The following USP12 variants were observed in gnomAD, a reference collection of about 807,000 sequenced individuals.
USP12 encodes the protein ubiquitin specific peptidase 12, also known as ubiquitin carboxyl-terminal hydrolase 12.
Under a neutral mutation model 45.5 loss-of-function variants are expected in USP12, and 19 were observed. The observed-to-expected ratio is 0.42, with a 90% CI of 0.29 to 0.61. The LOEUF (loss-of-function observed/expected upper bound fraction) is 0.61, where lower values mean the gene tolerates loss of function less well. Ranked by LOEUF, USP12 falls within the 20% of genes least tolerant of loss-of-function variation. The probability of loss-of-function intolerance (pLI) is 0.22; values close to 1 mark genes in which losing one functional copy is unlikely to be tolerated. For missense variants in USP12, 242 were observed against 447.7 expected (o/e 0.54, Z 4.15); for synonymous variants, 149 against 148.8 (o/e 1.00, Z -0.01).
intron 2 of USP12, among the ~76,000 whole-genome samples, chr13:27,111,508 C>T (rs1423287363): frequency 6.6e-6 from 1 of 152,160 alleles, no homozygotes; most frequent in East Asian, 1.9e-4. Context: ...TGCCACCCTA[C>T]TCGAGGTCTT....
At chr13:27,083,035 A>G (rs1383573758) in intron 6 of USP12, among the ~76,000 whole-genome samples, 1 of 152,112 alleles carries the variant, frequency 6.6e-6, no homozygotes, top group African/African-American at 2.4e-5. Context: ...GGGTTTCACC[A>G]TGTTGGTCAG....
chr13:27,072,338 T>C (rs2148755), intron 7 of USP12, among the ~76,000 whole-genome samples: 8,695 of 152,152 alleles, frequency 0.057, 293 homozygotes, highest in Middle Eastern at 0.1. Flanking sequence ...GACTGGTAAA[T>C]TGAAAAAAGT....
intron 1 of USP12, among the ~76,000 whole-genome samples, chr13:27,137,900 G>A (rs1337233945): frequency 1.3e-5 from 2 of 152,228 alleles, no homozygotes; most frequent in East Asian, 3.8e-4. Flanking sequence ...TTATGGAGAG[G>A]GCCACATGGC....
chr13:27,075,186 A>G lies in USP12; in HGVS notation c.932+5T>C. Reference sequence around the variant, plus strand: ...CCACTACTATGTCCCCGGAGTTGCAATTACCTTCCACAGTGAACCACAACA... The same window carrying G: ...CCACTACTATGTCCCCGGAGTTGCAGTTACCTTCCACAGTGAACCACAACA... On this transcript the variant is annotated splice_donor_5th_base_variant and intron_variant, in intron 7 of 8. Coordinates refer to ENST00000282344, the MANE Select transcript of USP12 (RefSeq NM_182488.4). The G allele has an allele frequency of 6.2e-7, 1 of 1,613,846 alleles. No homozygotes were observed. Among genetic ancestry groups the G allele is most frequent in the Non-Finnish European group, 8.5e-7 (1 of 1,179,792 alleles).
At chr13:27,108,443 T>C (rs1875258984) in intron 2 of USP12, among the ~76,000 whole-genome samples, 4 of 150,094 alleles carry the variant, frequency 2.7e-5, no homozygotes, top group African/African-American at 9.8e-5. Context: ...AAATGAGGAG[T>C]TAATGGGTGC....
chr13:27,087,588 G>A (rs7993065), intron 6 of USP12, among the ~76,000 whole-genome samples: 96,954 of 152,108 alleles, frequency 0.64, 32,862 homozygotes, highest in South Asian at 0.77. Flanking sequence ...AGCGGGCTCA[G>A]GAACAATGAC....
intron 6 of USP12, among the ~76,000 whole-genome samples, chr13:27,081,809 C>T (rs779384835): frequency 2.0e-5 from 3 of 152,168 alleles, no homozygotes; most frequent in South Asian, 2.1e-4. Context: ...TCTCTTTGTG[C>T]GTCTCCATCA....
At chr13:27,104,032 T>C (rs1875010042) in intron 3 of USP12, among the ~76,000 whole-genome samples, 1 of 152,132 alleles carries the variant, frequency 6.6e-6, no homozygotes, top group Admixed American at 6.6e-5. Flanking sequence ...AGCTGCATAC[T>C]TCTGAACTCT....
intron 1 of USP12, among the ~76,000 whole-genome samples, chr13:27,131,983 G>A (rs1359587535): frequency 6.6e-6 from 1 of 152,106 alleles, no homozygotes; most frequent in Non-Finnish European, 1.5e-5. Flanking sequence ...TTTATTACGT[G>A]TCACTGGGTA....
chr13:27,131,639 G>A (rs925829722), intron 1 of USP12, among the ~76,000 whole-genome samples: 10 of 152,278 alleles, frequency 6.6e-5, no homozygotes, highest in African/African-American at 2.4e-4. Context: ...GCTTCCTATG[G>A]ACAGTTAAAA....
At chr13:27,104,837 T>C (rs1278065820) in intron 3 of USP12, among the ~76,000 whole-genome samples, 2 of 152,238 alleles carry the variant, frequency 1.3e-5, no homozygotes, top group Admixed American at 1.3e-4. Flanking sequence ...ATCCTGCTTG[T>C]GAGCGTCTAC....
chr13:27,090,779 G>A (rs1874274291), intron 4 of USP12, among the ~76,000 whole-genome samples: 1 of 152,138 alleles, frequency 6.6e-6, no homozygotes, highest in Non-Finnish European at 1.5e-5. Context: ...AGATACGTCT[G>A]ACTCAGCAAC....
At chr13:27,083,872 A>AT (rs1174954387) in intron 6 of USP12, among the ~76,000 whole-genome samples, 58 of 146,410 alleles carry the variant, frequency 4.0e-4, no homozygotes, top group Non-Finnish European at 7.3e-4. Context: ...ATATATATAT[A>AT]TATTTTTTTG....
At chr13:27,154,299 G>T (rs1593212431) in intron 1 of USP12, among the ~76,000 whole-genome samples, 1 of 148,038 alleles carries the variant, frequency 6.8e-6, no homozygotes, top group African/African-American at 2.4e-5. Context: ...TATAGCATAG[G>T]TTTTATTCAT....
At chr13:27,117,802 C>A (rs1202052369) in intron 1 of USP12, 1 of 518,144 alleles carries the variant, frequency 1.9e-6, no homozygotes, top group East Asian at 5.5e-5. Context: ...GTTTCAAGAA[C>A]GTGATCAACT....
intron 1 of USP12, among the ~76,000 whole-genome samples, chr13:27,128,017 A>G (rs1200687543): frequency 6.6e-6 from 1 of 152,218 alleles, no homozygotes; most frequent in African/African-American, 2.4e-5. Flanking sequence ...TATTCCGATT[A>G]TTTTATTCAG....
chr13:27,156,219 GAAA>G (rs56139734), intron 1 of USP12, among the ~76,000 whole-genome samples: 10 of 141,902 alleles, frequency 7.0e-5, no homozygotes, highest in African/African-American at 7.8e-5. Flanking sequence ...CTCCTGCAAG[GAAA>G]AAAAAAAAAA....
intron 1 of USP12, among the ~76,000 whole-genome samples, chr13:27,156,063 A>G (rs1041165807): frequency 2.6e-5 from 4 of 152,192 alleles, no homozygotes; most frequent in African/African-American, 9.7e-5. Context: ...GTTGCTAAAA[A>G]CCATGAGGTA....
At chr13:27,105,504 A>G (rs1437281689) in intron 3 of USP12, among the ~76,000 whole-genome samples, 2 of 152,258 alleles carry the variant, frequency 1.3e-5, no homozygotes, top group African/African-American at 4.8e-5. Flanking sequence ...ACAGAATTTT[A>G]TCACTGTATA....
Sources: gnomAD v4.1 joint callset for allele counts (sites outside exome capture counted in the v4.1 genomes callset) on GRCh38, gnomAD v4.1.1 for gene constraint, MANE v1.5 for transcripts, NCBI Gene and HGNC (gene_info 2026-07-23, HGNC 2026-07-21) for gene names.